KLHL32: variants seen among roughly 807,000 people sequenced by gnomAD.
KLHL32 encodes kelch like family member 32.
Under a neutral mutation model 64.8 loss-of-function variants are expected in KLHL32, and 35 were observed. The observed-to-expected ratio is 0.54, with a 90% CI of 0.41 to 0.72. The LOEUF is 0.72. KLHL32 is among the 30% of genes least tolerant of loss of function. The probability of loss-of-function intolerance (pLI) is 0.00; values close to 1 mark genes in which losing one functional copy is unlikely to be tolerated. For missense variants in KLHL32, 589 were observed against 768.5 expected, an observed-to-expected ratio of 0.77 and a Z score of 2.76; for synonymous variants, 259 against 281.0, an observed-to-expected ratio of 0.92 and a Z score of 0.78.
chr6:97,054,559 A>G (rs1383844857), intron 4 of KLHL32, among the ~76,000 whole-genome samples: 1 of 152,246 alleles, frequency 6.6e-6, no homozygotes, highest in Admixed American at 6.5e-5. Context: ...ATACCTGAGT[A>G]TGTTTGATGC....
chr6:96,907,562 A>C, the KLHL32 span, among the ~76,000 whole-genome samples: 1 of 152,154 alleles, frequency 6.6e-6, no homozygotes, highest in African/African-American at 2.4e-5. Flanking sequence ...TATGTACAGG[A>C]AGCTCTTGAA....
intron 5 of KLHL32, 22 bp from the exon 6 acceptor site, chr6:97,085,102 TCA>T: frequency 6.3e-7 from 1 of 1,592,966 alleles, no homozygotes; most frequent in Non-Finnish European, 8.6e-7. Context: ...AGATCTTTTT[TCA>T]TTTTTATTTT....
At chr6:97,048,200 A>G (rs563952158) in intron 4 of KLHL32, among the ~76,000 whole-genome samples, 1 of 152,208 alleles carries the variant, frequency 6.6e-6, no homozygotes, top group South Asian at 2.1e-4. Flanking sequence ...CCCCTTTACA[A>G]TTCTCCACTT....
At chr6:97,105,480 GA>G (rs1291375238) in intron 6 of KLHL32, 1 of 470,998 alleles carries the variant, frequency 2.1e-6, no homozygotes, top group Non-Finnish European at 4.4e-6. Context: ...GCACTGAGGG[GA>G]GACTGGTGCC....
intron 5 of KLHL32, among the ~76,000 whole-genome samples, chr6:97,071,804 C>T (rs748638209): frequency 3.3e-5 from 5 of 152,148 alleles, no homozygotes; most frequent in African/African-American, 4.8e-5. Context: ...TGACGTCATT[C>T]GGGTTGGGAC....
chr6:97,125,036 TC>T (rs1479224195), intron 7 of KLHL32, among the ~76,000 whole-genome samples: 29 of 152,304 alleles, frequency 1.9e-4, no homozygotes, highest in African/African-American at 6.7e-4. Flanking sequence ...CAATGAGAAA[TC>T]CAGAGAAGAC....
chr6:97,064,850 A>G (rs1789469749), intron 5 of KLHL32, 124 bp downstream of exon 5: 2 of 731,114 alleles, frequency 2.7e-6, no homozygotes, highest in South Asian at 3.5e-5. Flanking sequence ...CTGTGGTAGT[A>G]GAGTTTCTCC....
At chr6:97,125,419 G>C (rs1400704439) in intron 7 of KLHL32, among the ~76,000 whole-genome samples, 1 of 152,190 alleles carries the variant, frequency 6.6e-6, no homozygotes, top group Non-Finnish European at 1.5e-5. Flanking sequence ...AACTGCACCA[G>C]ATAAGGTTAA....
intron 5 of KLHL32, among the ~76,000 whole-genome samples, chr6:97,068,358 C>T (rs779025647): frequency 2.6e-5 from 4 of 152,096 alleles, no homozygotes; most frequent in Non-Finnish European, 5.9e-5. Context: ...GTACTGAATA[C>T]GCAACTCCCT....
chr6:97,020,960 C>T (rs2128104500), intron 3 of KLHL32, among the ~76,000 whole-genome samples: 1 of 150,746 alleles, frequency 6.6e-6, no homozygotes, highest in East Asian at 1.9e-4. Flanking sequence ...ACATGTATTC[C>T]TATATGATGA....
chr6:97,031,935 C>T (rs540858181), intron 3 of KLHL32, among the ~76,000 whole-genome samples: 2 of 145,764 alleles, frequency 1.4e-5, no homozygotes, highest in African/African-American at 2.7e-5. Context: ...TGGATTATAG[C>T]GACAGTTTCT....
chr6:97,082,351 C>T (rs1276909527), intron 5 of KLHL32, among the ~76,000 whole-genome samples: 8 of 152,140 alleles, frequency 5.3e-5, no homozygotes, highest in African/African-American at 1.9e-4. Context: ...CGGTGGCTCA[C>T]ACCTGTAATC....
At chr6:97,073,989 G>C (rs962696449) in intron 5 of KLHL32, among the ~76,000 whole-genome samples, 1 of 152,172 alleles carries the variant, frequency 6.6e-6, no homozygotes, top group Admixed American at 6.5e-5. Flanking sequence ...CTGTGTCATG[G>C]ACTTGGCTCC....
At chr6:97,078,471 G>A (rs1240697274) in intron 5 of KLHL32, among the ~76,000 whole-genome samples, 1 of 152,124 alleles carries the variant, frequency 6.6e-6, no homozygotes, top group Non-Finnish European at 1.5e-5. Flanking sequence ...TGTTAAAATA[G>A]CCACATCTGT....
intron 5 of KLHL32, among the ~76,000 whole-genome samples, chr6:97,074,586 T>C (rs1364277830): frequency 1.3e-5 from 2 of 148,468 alleles, no homozygotes; most frequent in Non-Finnish European, 3.0e-5. Flanking sequence ...AGACAGTCTG[T>C]AGGTAAGTGA....
At chr6:97,043,726 C>T (rs994728641) in intron 4 of KLHL32, among the ~76,000 whole-genome samples, 5 of 146,680 alleles carry the variant, frequency 3.4e-5, no homozygotes, top group African/African-American at 5.3e-5. Context: ...TACTTGTTAT[C>T]GATTGTCTTT....
At chr6:96,911,966 T>C in the KLHL32 span, among the ~76,000 whole-genome samples, 1 of 151,870 alleles carries the variant, frequency 6.6e-6, no homozygotes, top group South Asian at 2.1e-4. Context: ...TTCCTGTTGC[T>C]GGCTTCAATT....
chr6:97,089,504 C>T (rs1410889720), intron 6 of KLHL32, among the ~76,000 whole-genome samples: 3 of 151,566 alleles, frequency 2.0e-5, no homozygotes, highest in African/African-American at 4.9e-5. Flanking sequence ...TCTGGGTAGG[C>T]GCGGTGGCTT....
At chr6:97,130,984 A>T in intron 9 of KLHL32, 35 bp downstream of exon 9, 1 of 1,577,282 alleles carries the variant, frequency 6.3e-7, no homozygotes, top group South Asian at 1.1e-5. Context: ...CAGGAAAAGT[A>T]GATTCAAGAA....
Sources: gnomAD v4.1 joint callset for allele counts (sites outside exome capture counted in the v4.1 genomes callset) on GRCh38, gnomAD v4.1.1 for gene constraint, MANE v1.5 for transcripts, NCBI Gene and HGNC (gene_info 2026-07-23, HGNC 2026-07-21) for gene names.